Variants in PDE4D observed in about 807,000 individuals in gnomAD.
The protein encoded by PDE4D is phosphodiesterase 4D.
PDE4D carries 24 observed loss-of-function variants against 87.4 expected under a neutral mutation model. The ratio of observed to expected loss-of-function variants is 0.27; its 90% CI spans 0.20 to 0.39. The LOEUF (loss-of-function observed/expected upper bound fraction) is 0.39. PDE4D is among the 10% of genes least tolerant of loss of function. The probability of loss-of-function intolerance (pLI) is 1.00; values close to 1 mark genes in which losing one functional copy is unlikely to be tolerated. For synonymous variants in PDE4D, 384 were observed against 383.2 expected, an observed-to-expected ratio of 1.00 and a Z score of -0.02; for missense variants, 714 against 1,041.0, an observed-to-expected ratio of 0.69 and a Z score of 4.32.
chr5:60,323,663 T>C (rs1756511613), intron 1 of PDE4D, among the ~76,000 whole-genome samples: 4 of 152,044 alleles, frequency 2.6e-5, no homozygotes, highest in African/African-American at 9.7e-5. Context: ...TGACTTTCCT[T>C]TGTTCTTGGG....
At chr5:60,256,983 G>T (rs1037019494) in intron 1 of PDE4D, among the ~76,000 whole-genome samples, 4 of 151,810 alleles carry the variant, frequency 2.6e-5, no homozygotes, top group African/African-American at 9.7e-5. Flanking sequence ...ATGTTAATTA[G>T]CTGGAATGTA....
At chr5:60,040,479 G>A (rs1455918237) in intron 2 of PDE4D, among the ~76,000 whole-genome samples, 1 of 152,176 alleles carries the variant, frequency 6.6e-6, no homozygotes, top group Non-Finnish European at 1.5e-5. Flanking sequence ...TATGTCTACA[G>A]TCTGTGCTTT....
chr5:58,992,075 A>G (rs986992007), intron 7 of PDE4D, 71 bp from the exon 8 acceptor site: 24 of 955,972 alleles, frequency 2.5e-5, no homozygotes, highest in Non-Finnish European at 3.2e-5. Context: ...GCATAATTGG[A>G]AGGATTATAA....
At chr5:59,691,125 A>G (rs1750839366) in intron 1 of PDE4D, among the ~76,000 whole-genome samples, 1 of 152,202 alleles carries the variant, frequency 6.6e-6, no homozygotes, top group Non-Finnish European at 1.5e-5. Context: ...TGTTGGTGGG[A>G]CTGTAAACTA....
intron 5 of PDE4D, among the ~76,000 whole-genome samples, chr5:59,132,431 T>C (rs1041462713): frequency 9.2e-5 from 14 of 152,188 alleles, no homozygotes; most frequent in African/African-American, 3.4e-4. Flanking sequence ...TGTGGGGAAG[T>C]ACTGACCTAA....
chr5:59,941,629 C>CA (rs1360796848), intron 3 of PDE4D, among the ~76,000 whole-genome samples: 5 of 152,194 alleles, frequency 3.3e-5, no homozygotes, highest in African/African-American at 1.2e-4. Flanking sequence ...CCCCCGCCAC[C>CA]ACCAGGCAAA....
chr5:59,124,867 T>C (rs912987488), intron 5 of PDE4D, among the ~76,000 whole-genome samples: 2 of 152,224 alleles, frequency 1.3e-5, no homozygotes, highest in Non-Finnish European at 2.9e-5. Context: ...TATCTATCTA[T>C]ATATTTTTAT....
At chr5:60,091,929 T>C (rs1253664247) in intron 2 of PDE4D, among the ~76,000 whole-genome samples, 1 of 151,008 alleles carries the variant, frequency 6.6e-6, no homozygotes, top group Non-Finnish European at 1.5e-5. Flanking sequence ...CGCGTGCCTG[T>C]AGTCCCAGCT....
At chr5:59,214,020 T>C (rs763173322) in intron 2 of PDE4D, among the ~76,000 whole-genome samples, 1 of 133,966 alleles carries the variant, frequency 7.5e-6, no homozygotes, top group Non-Finnish European at 1.6e-5. Context: ...TCCCCCAACA[T>C]ACATACATAC....
In PDE4D at chr5:59,043,471, T is replaced by C. The variant is rs995810015; in HGVS notation, c.809-4500A>G. ...CCGGCAGGCAGAGGTTGCAGTAAGC[T>C]GAGATTGGGCCACTGCACTCCAACC... On this transcript the variant is annotated intron_variant, in intron 5 of 14. Transcript: ENST00000340635. Among the ~76,000 whole-genome samples, 4 of 152,234 alleles carry C rather than the reference T, an allele frequency of 2.6e-5. No individual in the cohort carries two copies. The East Asian group carries it at 5.8e-4, about 22-fold the overall frequency.
chr5:59,406,397 C>CT (rs1791660502), intron 1 of PDE4D, among the ~76,000 whole-genome samples: 1 of 4,034 alleles, frequency 2.5e-4, no homozygotes, highest in Admixed American at 3.8e-3. Context: ...TCTTTCCTTC[C>CT]CCCCCCCCCC....
chr5:59,618,622 G>A (rs1020816767), intron 1 of PDE4D, among the ~76,000 whole-genome samples: 2 of 152,148 alleles, frequency 1.3e-5, no homozygotes, highest in Admixed American at 1.3e-4. Context: ...AAACAGATTA[G>A]TGGGAGTAAG....
chr5:59,035,794 C>G (rs1218513141), intron 6 of PDE4D, among the ~76,000 whole-genome samples: 1 of 152,166 alleles, frequency 6.6e-6, no homozygotes, highest in Non-Finnish European at 1.5e-5. Context: ...TAAAATTACC[C>G]TCAATTGTAG....
intron 1 of PDE4D, among the ~76,000 whole-genome samples, chr5:60,355,382 T>C (rs1382373378): frequency 1.3e-5 from 2 of 152,154 alleles, no homozygotes; most frequent in Non-Finnish European, 2.9e-5. Flanking sequence ...ATGATGATAA[T>C]CTACTTTCCC....
chr5:60,350,672 G>T (rs1178352541), intron 1 of PDE4D, among the ~76,000 whole-genome samples: 1 of 152,112 alleles, frequency 6.6e-6, no homozygotes, highest in African/African-American at 2.4e-5. Context: ...GGACAGGTGT[G>T]GCCAAATGGC....
Position 59,230,692 on chromosome 5 carries a change from T to A in PDE4D, c.456-14724A>T, listed in dbSNP as rs141483275. ...ATACGAAAACTCATATACCATGTTT[T>A]TCCTCTGGGTTTGCACTCTGCATCA... is the stretch of plus-strand genomic sequence containing the variant. On this transcript the variant is annotated intron_variant, in intron 1 of 14. Coordinates refer to ENST00000340635, the MANE Select transcript of PDE4D (RefSeq NM_001104631.2). Among the ~76,000 whole-genome samples the A allele has an allele frequency of 1.6e-3, 242 of 152,324 alleles. 2 individuals are homozygous for A. The highest frequency in any genetic ancestry group is 5.4e-3 in the African/African-American group (224 of 41,582).
intron 1 of PDE4D, among the ~76,000 whole-genome samples, chr5:59,433,320 G>C (rs1199527158): frequency 1.3e-5 from 2 of 151,998 alleles, no homozygotes; most frequent in East Asian, 3.9e-4. Context: ...TTGTACCCAG[G>C]TAATTATTTA....
At chr5:60,515,601 C>CTTTTTTT (rs954970783) in intron 1 of PDE4D, among the ~76,000 whole-genome samples, 467 of 106,422 alleles carry the variant, frequency 4.4e-3, no homozygotes, top group Non-Finnish European at 5.5e-3. Flanking sequence ...TTTTCTTTTT[C>CTTTTTTT]TTTTTTTTTT....
At chr5:60,440,741 C>G (rs974445184) in intron 1 of PDE4D, among the ~76,000 whole-genome samples, 1 of 152,060 alleles carries the variant, frequency 6.6e-6, no homozygotes, top group Admixed American at 6.6e-5. Context: ...ATAATAATAG[C>G]ATAAATTCAT....
Sources: gnomAD v4.1 joint callset for allele counts (sites outside exome capture counted in the v4.1 genomes callset) on GRCh38, gnomAD v4.1.1 for gene constraint, MANE v1.5 for transcripts, NCBI Gene and HGNC (gene_info 2026-07-23, HGNC 2026-07-21) for gene names.